Variants in LARGE1 observed in about 807,000 individuals in gnomAD.
LARGE1 encodes the protein LARGE xylosyl- and glucuronyltransferase 1, also known as xylosyl- and glucuronyltransferase LARGE1.
LARGE1 carries 43 observed loss-of-function variants against 87.6 expected under a neutral mutation model. The observed-to-expected ratio is 0.49, with a 90% CI of 0.38 to 0.63. LARGE1 has a LOEUF of 0.63. LARGE1 is among the 30% of genes least tolerant of loss of function. LARGE1 has a pLI of 0.00. For missense variants in LARGE1, 802 were observed against 1,000.2 expected (o/e 0.80, Z 2.67); for synonymous variants, 434 against 394.6 (o/e 1.10, Z -1.18).
At chr22:33,432,595 T>TCATTCATTCATTCATTCATG (rs146169927) in intron 6 of LARGE1, among the ~76,000 whole-genome samples, 18 of 147,236 alleles carry the variant, frequency 1.2e-4, no homozygotes, top group African/African-American at 2.8e-4. Context: ...ATTCATTCAT[T>TCATTCATTCATTCATTCATG]CATGCATGCA....
chr22:33,355,475 A>G (rs901118365), intron 9 of LARGE1, among the ~76,000 whole-genome samples: 4 of 152,110 alleles, frequency 2.6e-5, no homozygotes, highest in Non-Finnish European at 4.4e-5. Flanking sequence ...GATAGTTTGG[A>G]TCTTCAAATG....
At position 33,297,490 on chromosome 22, in the gene LARGE1, A is replaced by G. The variant is rs547929367; in HGVS notation, c.1730+6739T>C. ...TAGCCAGGTGTGGTGGCATGTGCCTATAATCCCAGCTACTTGGGAGGCTGA... is the reference window on the plus strand; with the variant it reads ...TAGCCAGGTGTGGTGGCATGTGCCTGTAATCCCAGCTACTTGGGAGGCTGA... On this transcript the variant is annotated intron_variant, in intron 12 of 14. Coordinates refer to ENST00000397394, the MANE Select transcript of LARGE1 (RefSeq NM_133642.5). Among the ~76,000 whole-genome samples the G allele has an allele frequency of 2.0e-5, 3 of 151,722 alleles. No individual in the cohort carries two copies. In the South Asian group the frequency reaches 6.3e-4, roughly 32 times the overall value.
intron 13 of LARGE1, among the ~76,000 whole-genome samples, chr22:33,280,567 G>A (rs558854579): frequency 1.3e-5 from 2 of 152,174 alleles, no homozygotes; most frequent in African/African-American, 4.8e-5. Context: ...TCATCTGGCT[G>A]AGGAGGCAGC....
chr22:33,896,863 T>C (rs1601871661), intron 1 of LARGE1, among the ~76,000 whole-genome samples: 1 of 152,276 alleles, frequency 6.6e-6, no homozygotes, highest in East Asian at 1.9e-4. Flanking sequence ...CCCCCAGCTG[T>C]GCTACAGGGG....
At chr22:33,785,936 G>C (rs2085626478) in intron 1 of LARGE1, among the ~76,000 whole-genome samples, 1 of 152,202 alleles carries the variant, frequency 6.6e-6, no homozygotes, top group African/African-American at 2.4e-5. Flanking sequence ...GCCATAACCA[G>C]GGCAGGGTGG....
chr22:33,702,813 G>A (rs988589762), intron 2 of LARGE1, among the ~76,000 whole-genome samples: 15 of 152,182 alleles, frequency 9.9e-5, no homozygotes. Context: ...GTTACTAGAT[G>A]TGTAGGCTCA....
intron 11 of LARGE1, among the ~76,000 whole-genome samples, chr22:33,252,258 C>T (rs1056162822): frequency 5.0e-5 from 7 of 141,174 alleles, no homozygotes; most frequent in African/African-American, 7.7e-5. Flanking sequence ...CATTCCCCCC[C>T]CCCCCGCCAT....
At chr22:33,763,058 G>A (rs1303774152) in intron 1 of LARGE1, among the ~76,000 whole-genome samples, 1 of 152,174 alleles carries the variant, frequency 6.6e-6, no homozygotes, top group Non-Finnish European at 1.5e-5. Flanking sequence ...TGGTCTGGTT[G>A]GACTGACTCC....
At chr22:33,073,071 C>T in the LARGE1 span, among the ~76,000 whole-genome samples, 2 of 152,200 alleles carry the variant, frequency 1.3e-5, no homozygotes, top group African/African-American at 4.8e-5. Context: ...CATGTCAACT[C>T]TCATCCAATT....
chr22:33,691,550 AAGTC>A (rs1479125198), intron 2 of LARGE1, among the ~76,000 whole-genome samples: 7 of 152,152 alleles, frequency 4.6e-5, no homozygotes, highest in Non-Finnish European at 7.4e-5. Flanking sequence ...GGCAGGAAAC[AAGTC>A]AGTCAGCAAG....
chr22:33,115,806 ACT>A, the LARGE1 span, among the ~76,000 whole-genome samples: 2 of 114,840 alleles, frequency 1.7e-5, no homozygotes, highest in Non-Finnish European at 3.5e-5. Context: ...ACAGAGCAAG[ACT>A]CTGTCTCAAA....
At chr22:33,801,782 G>A (rs1409564952) in intron 1 of LARGE1, among the ~76,000 whole-genome samples, 1 of 152,100 alleles carries the variant, frequency 6.6e-6, no homozygotes, top group Non-Finnish European at 1.5e-5. Context: ...GATCAGAAGA[G>A]GTACCTGGAC....
At chr22:33,618,172 T>G (rs1367729363) in intron 4 of LARGE1, among the ~76,000 whole-genome samples, 1 of 152,202 alleles carries the variant, frequency 6.6e-6, no homozygotes, top group African/African-American at 2.4e-5. Context: ...AATGAGAGTT[T>G]TTCAGTGAGT....
chr22:33,872,799 A>G (rs1601825129), intron 1 of LARGE1, among the ~76,000 whole-genome samples: 1 of 152,196 alleles, frequency 6.6e-6, no homozygotes, highest in East Asian at 1.9e-4. Context: ...GGAGTTCGAG[A>G]CCAGCCTGGC....
chr22:33,820,526 G>A (rs1176647535), intron 1 of LARGE1, among the ~76,000 whole-genome samples: 1 of 151,842 alleles, frequency 6.6e-6, no homozygotes, highest in East Asian at 1.9e-4. Context: ...GGGGTCTCGT[G>A]GTGCTGCCCA....
chr22:33,387,768 CT>C (rs1419686989), intron 7 of LARGE1, among the ~76,000 whole-genome samples: 3 of 152,154 alleles, frequency 2.0e-5, no homozygotes, highest in Non-Finnish European at 2.9e-5. Flanking sequence ...CCAGTCTTTT[CT>C]TTTGCGTGAC....
intron 9 of LARGE1, among the ~76,000 whole-genome samples, chr22:33,345,710 C>G (rs1396968475): frequency 6.6e-6 from 1 of 152,170 alleles, no homozygotes; most frequent in East Asian, 1.9e-4. Flanking sequence ...GGGAAGGCAG[C>G]AGAAGTCCAT....
intron 1 of LARGE1, among the ~76,000 whole-genome samples, chr22:33,827,338 C>G (rs1442857643): frequency 1.3e-5 from 2 of 152,166 alleles, no homozygotes; most frequent in East Asian, 3.9e-4. Context: ...CTACTGTACT[C>G]CAGCCTGGGT....
intron 7 of LARGE1, among the ~76,000 whole-genome samples, chr22:33,406,676 G>C (rs1451598013): frequency 6.6e-6 from 1 of 152,196 alleles, no homozygotes; most frequent in Non-Finnish European, 1.5e-5. Context: ...GCATGCCCAG[G>C]GCTGTGTGGT....
Sources: gnomAD v4.1 joint callset for allele counts (sites outside exome capture counted in the v4.1 genomes callset) on GRCh38, gnomAD v4.1.1 for gene constraint, MANE v1.5 for transcripts, NCBI Gene and HGNC (gene_info 2026-07-23, HGNC 2026-07-21) for gene names.